The following CHCHD3 variants were observed in gnomAD, a reference collection of about 807,000 sequenced individuals.
CHCHD3 encodes the protein coiled-coil-helix-coiled-coil-helix domain containing 3.
CHCHD3 carries 20 observed loss-of-function variants against 38.2 expected under a neutral mutation model. That is an observed-to-expected ratio of 0.52 (90% CI 0.37 to 0.76). The LOEUF (loss-of-function observed/expected upper bound fraction) is 0.76, where lower values mean the gene tolerates loss of function less well. Ranked by LOEUF, CHCHD3 falls within the 30% of genes least tolerant of loss-of-function variation. The pLI, the probability that CHCHD3 is intolerant of heterozygous loss-of-function variation, is 0.00. For synonymous variants in CHCHD3, 82 were observed against 100.0 expected (o/e 0.82, Z 1.07); for missense variants, 245 against 279.2 (o/e 0.88, Z 0.87).
intron 4 of CHCHD3, among the ~76,000 whole-genome samples, chr7:132,945,820 T>C (rs1810886332): frequency 6.6e-6 from 1 of 151,796 alleles, no homozygotes; most frequent in East Asian, 1.9e-4. Context: ...GAAAAGAAAA[T>C]GGTATAATGT....
chr7:132,892,652 A>G (rs1809391573), intron 4 of CHCHD3, among the ~76,000 whole-genome samples: 1 of 152,068 alleles, frequency 6.6e-6, no homozygotes, highest in African/African-American at 2.4e-5. Flanking sequence ...GGAAGGAAAA[A>G]CGGTTGCCTG....
rs1180345685 is a variant in CHCHD3 at position 132,785,267 on chromosome 7, C to A, written c.*370G>T. 4 of 211,466 alleles carry A rather than the reference C, an allele frequency of 1.9e-5. No individual in the cohort carries two copies. Among genetic ancestry groups the A allele is most frequent in the Non-Finnish European group, 3.8e-5 (4 of 106,394 alleles). The allele number at this position is 211,466 out of a possible 1,614,324, so 13.1% of individuals were successfully genotyped here. A position where few individuals can be genotyped will look rare whatever the true frequency, so the allele number is the denominator to read the frequency against. On this transcript the variant is annotated 3_prime_UTR_variant, in exon 8 of 8. Coordinates refer to ENST00000262570, the MANE Select transcript of CHCHD3 (RefSeq NM_017812.4). ...AATTAATTTAGCCCCCAACCCCATC[C>A]TACTTTGTTAGGGTGGAGGTTCACC...
At chr7:132,955,557 T>C (rs1354810535) in intron 4 of CHCHD3, among the ~76,000 whole-genome samples, 1 of 151,018 alleles carries the variant, frequency 6.6e-6, no homozygotes. Context: ...TTTTTTTTAA[T>C]GTGATTAACA....
chr7:132,953,808 A>G (rs1811091555), intron 4 of CHCHD3, among the ~76,000 whole-genome samples: 1 of 152,228 alleles, frequency 6.6e-6, no homozygotes, highest in Non-Finnish European at 1.5e-5. Flanking sequence ...AGTAAAGGTC[A>G]TAAGTAGGGT....
intron 2 of CHCHD3, among the ~76,000 whole-genome samples, chr7:133,044,901 A>C (rs1813936597): frequency 6.6e-6 from 1 of 152,240 alleles, no homozygotes; most frequent in Non-Finnish European, 1.5e-5. Context: ...CTGCCTCCCA[A>C]GTCCTGCAGC....
intron 2 of CHCHD3, among the ~76,000 whole-genome samples, chr7:133,030,609 A>C (rs918973517): frequency 5.3e-5 from 8 of 152,244 alleles, no homozygotes; most frequent in Admixed American, 1.3e-4. Flanking sequence ...AAGTTCAGTA[A>C]GTATGGTTCC....
At chr7:132,876,780 C>T (rs1312594290) in intron 5 of CHCHD3, among the ~76,000 whole-genome samples, 1 of 152,152 alleles carries the variant, frequency 6.6e-6, no homozygotes, top group Non-Finnish European at 1.5e-5. Flanking sequence ...ACAATTGGTA[C>T]AAGTATTTCC....
At chr7:132,833,478 C>T (rs1290095969) in intron 6 of CHCHD3, among the ~76,000 whole-genome samples, 1 of 152,102 alleles carries the variant, frequency 6.6e-6, no homozygotes, top group Non-Finnish European at 1.5e-5. Context: ...GTAATCACCC[C>T]AAAAGAGGAG....
intron 4 of CHCHD3, among the ~76,000 whole-genome samples, chr7:132,898,209 G>T (rs901719039): frequency 1.3e-5 from 2 of 152,184 alleles, no homozygotes; most frequent in South Asian, 4.1e-4. Context: ...AGCTTCCACA[G>T]TGTGGAAAGG....
At chr7:132,912,021 C>T (rs1054439733) in intron 4 of CHCHD3, among the ~76,000 whole-genome samples, 7 of 152,180 alleles carry the variant, frequency 4.6e-5, no homozygotes, top group African/African-American at 1.7e-4. Context: ...TGAATTACAT[C>T]GGCCAAACCA....
intron 6 of CHCHD3, among the ~76,000 whole-genome samples, chr7:132,821,795 G>A (rs1195498358): frequency 1.6e-5 from 2 of 126,590 alleles, no homozygotes; most frequent in Admixed American, 1.0e-4. Context: ...TCGCTCTGTC[G>A]TCCAGGCCGG....
At chr7:132,993,285 TCTTCC>T (rs1188392224) in intron 3 of CHCHD3, among the ~76,000 whole-genome samples, 2 of 152,212 alleles carry the variant, frequency 1.3e-5, no homozygotes, top group Non-Finnish European at 1.5e-5. Context: ...CCTCTCAAAC[TCTTCC>T]CTTTATCTCC....
At chr7:132,917,183 A>T (rs2117230431) in intron 4 of CHCHD3, among the ~76,000 whole-genome samples, 1 of 152,334 alleles carries the variant, frequency 6.6e-6, no homozygotes, top group Non-Finnish European at 1.5e-5. Flanking sequence ...ACAGAATCTA[A>T]AACTGTTATA....
intron 1 of CHCHD3, among the ~76,000 whole-genome samples, chr7:133,077,690 AAT>A (rs2117554392): frequency 6.6e-6 from 1 of 152,382 alleles, no homozygotes; most frequent in African/African-American, 2.4e-5. Flanking sequence ...AACCACATGT[AAT>A]ATGAGTAATG....
At chr7:132,892,531 G>GT (rs1440515439) in intron 4 of CHCHD3, among the ~76,000 whole-genome samples, 2 of 152,350 alleles carry the variant, frequency 1.3e-5, no homozygotes, top group Admixed American at 6.5e-5. Context: ...GCAAAGATTT[G>GT]TAAGATTAAC....
intron 3 of CHCHD3, among the ~76,000 whole-genome samples, chr7:133,008,074 T>C (rs1396408506): frequency 1.3e-5 from 2 of 152,136 alleles, no homozygotes; most frequent in South Asian, 2.1e-4. Flanking sequence ...TCTTTCCTAA[T>C]GGAAAAAAAC....
chr7:132,977,459 T>C (rs886132085), intron 3 of CHCHD3, among the ~76,000 whole-genome samples: 2 of 152,222 alleles, frequency 1.3e-5, no homozygotes, highest in Non-Finnish European at 2.9e-5. Context: ...CATGAGAATA[T>C]TGTGCAAATA....
rs1811263605 is a variant in CHCHD3 at position 132,959,694 on chromosome 7, G to C, written c.369+15475C>G. On this transcript the variant is annotated intron_variant, in intron 4 of 7. Transcript: ENST00000262570. ...GCCGAGATCGTGCCACTGTACTCCAGCCTGGGCGACAGAGCAAAACTCCGT... is the reference window on the plus strand; with the variant it reads ...GCCGAGATCGTGCCACTGTACTCCACCCTGGGCGACAGAGCAAAACTCCGT... Among the ~76,000 whole-genome samples, 3 of 143,098 alleles carry C rather than the reference G, an allele frequency of 2.1e-5. No homozygotes were observed. In the South Asian group the frequency reaches 6.7e-4, roughly 32 times the overall value. 93.9% of individuals were successfully genotyped at this position (143,098 alleles called of 152,430 possible).
rs915882778 is a variant in CHCHD3 at position 132,917,878 on chromosome 7, C to A, written c.370-32133G>T. ...CATCTCAAAAAAAAAAAAAAAAAAACCTTTCCTATTACTCATCTTTTGAGC... is the reference window on the plus strand; with the variant it reads ...CATCTCAAAAAAAAAAAAAAAAAAAACTTTCCTATTACTCATCTTTTGAGC... On this transcript the variant is annotated intron_variant, in intron 4 of 7. Transcript: ENST00000262570. Among the ~76,000 whole-genome samples the A allele has an allele frequency of 3.9e-3, 337 of 86,512 alleles. 6 individuals are homozygous for A. The highest frequency in any genetic ancestry group is 0.014 in the African/African-American group (315 of 22,258). 56.8% of individuals were successfully genotyped at this position (86,512 alleles called of 152,430 possible).
Sources: gnomAD v4.1 joint callset for allele counts (sites outside exome capture counted in the v4.1 genomes callset) on GRCh38, gnomAD v4.1.1 for gene constraint, MANE v1.5 for transcripts, NCBI Gene and HGNC (gene_info 2026-07-23, HGNC 2026-07-21) for gene names.